The following LINC00632 variants were observed in gnomAD, a reference collection of about 807,000 sequenced individuals.
The protein encoded by LINC00632 is long independently transcribed non-coding RNA 632.
chrX:140,731,048 C>T (rs1418682753), intron 2 of LINC00632, among the ~76,000 whole-genome samples: 4 of 110,065 alleles, frequency 3.6e-5, no homozygotes, highest in Non-Finnish European at 5.7e-5. Context: ...ATTACAGGTG[C>T]GTGCCACCAG....
intron 3 of LINC00632, among the ~76,000 whole-genome samples, chrX:140,742,899 AGGAAAGGAAAAG>A (rs1363984421): frequency 7.6e-4 from 78 of 102,383 alleles, no homozygotes; most frequent in African/African-American, 2.8e-3. Context: ...AAGGAAGGAA[AGGAAAGGAAAAG>A]GGAAAGGGAA....
At position 140,754,333 on chromosome X, in the gene LINC00632, T is replaced by TA. The variant is rs200317735; in HGVS notation, n.192-17736dup. Among the ~76,000 whole-genome samples, 343 of 109,525 alleles carry TA rather than the reference T, an allele frequency of 3.1e-3. 1 individual carries two copies. Among genetic ancestry groups the TA allele is most frequent in the African/African-American group, 0.01 (312 of 30,217 alleles). On this transcript the variant is annotated intron_variant and non_coding_transcript_variant, in intron 3 of 4. Transcript: ENST00000648200. Reference sequence around the variant, plus strand: ...CATAAGGCCATGGGTGGTGTAATCATAAAAAAAAAGACTTTGTTATATGAA... The same window carrying TA: ...CATAAGGCCATGGGTGGTGTAATCATAAAAAAAAAAGACTTTGTTATATGAA...
rs771814251 is a variant in LINC00632, at chrX:140,767,359, T to A, written n.192-4719T>A. The stretch of plus-strand genomic sequence containing the variant: ...AGTGCCTGGCCCAGAAAAATTCACT[T>A]TATTAGTGTTATTTACCTATTATTT... On this transcript the variant is annotated intron_variant and non_coding_transcript_variant, in intron 3 of 4. Transcript: ENST00000648200. 4.5e-5 allele frequency among the ~76,000 whole-genome samples: 5 copies of A among 111,883 alleles called. No individual in the cohort carries two copies. The East Asian group carries it at 1.4e-3, about 31-fold the overall frequency.
chrX:140,760,483 T>C (rs1355451586), intron 3 of LINC00632, among the ~76,000 whole-genome samples: 2 of 111,177 alleles, frequency 1.8e-5, no homozygotes, highest in Non-Finnish European at 3.8e-5. Context: ...AGAAATAGCT[T>C]GAATAGGCCG....
chrX:140,731,447 C>A (rs1005479343), intron 2 of LINC00632, among the ~76,000 whole-genome samples: 2 of 111,278 alleles, frequency 1.8e-5, no homozygotes, highest in Non-Finnish European at 3.8e-5. Flanking sequence ...GTCTGTCAGA[C>A]CTGGTTTTGA....
chrX:140,772,496 CA>C (rs1418509088), exon 4 of LINC00632: 1 of 289,640 alleles, frequency 3.5e-6, no homozygotes, highest in African/African-American at 2.8e-5. Context: ...GGCATGCAAG[CA>C]AAAGAACAAG....
chrX:140,771,897 G>T (rs1372229306), intron 3 of LINC00632, among the ~76,000 whole-genome samples: 2 of 108,393 alleles, frequency 1.8e-5, no homozygotes, highest in East Asian at 5.9e-4. Flanking sequence ...GGCCAGGCTG[G>T]TCTCAAACTC....
chrX:140,769,103 C>T (rs1455199114), intron 3 of LINC00632, among the ~76,000 whole-genome samples: 1 of 110,720 alleles, frequency 9.0e-6, no homozygotes, highest in Non-Finnish European at 1.9e-5. Context: ...TTGTAGTGCC[C>T]ACAAATGCAG....
At chrX:140,759,342 TTC>T (rs1281020725) in intron 3 of LINC00632, among the ~76,000 whole-genome samples, 12 of 52,305 alleles carry the variant, frequency 2.3e-4, no homozygotes, top group East Asian at 8.0e-4. Flanking sequence ...CCTTCCTTCC[TTC>T]CTTTCTTTCT....
intron 2 of LINC00632, among the ~76,000 whole-genome samples, chrX:140,728,146 AG>A (rs1220520672): frequency 9.1e-6 from 1 of 109,909 alleles, no homozygotes; most frequent in Non-Finnish European, 1.9e-5. Flanking sequence ...AGGCTGAGGC[AG>A]GAGACTCACT....
At chrX:140,776,814 T>C (rs1410635658) in exon 5 of LINC00632, among the ~76,000 whole-genome samples, 1 of 111,228 alleles carries the variant, frequency 9.0e-6, no homozygotes, top group Non-Finnish European at 1.9e-5. Context: ...AGATTATAGA[T>C]TATTCTATTA....
At chrX:140,787,027 C>T (rs1283032302) in exon 5 of LINC00632, among the ~76,000 whole-genome samples, 1 of 111,275 alleles carries the variant, frequency 9.0e-6, no homozygotes, top group Non-Finnish European at 1.9e-5. Flanking sequence ...TTATTTTCTT[C>T]TATATATTCT....
chrX:140,775,338 G>T (rs1223262087), exon 5 of LINC00632, among the ~76,000 whole-genome samples: 1 of 111,706 alleles, frequency 9.0e-6, no homozygotes, highest in African/African-American at 3.3e-5. Context: ...TTTAATTTTG[G>T]ATGTTTGGAA....
At chrX:140,715,930 A>G (rs992669792) in intron 2 of LINC00632, 1 of 112,142 alleles carries the variant, frequency 8.9e-6, no homozygotes, top group African/African-American at 3.2e-5. Flanking sequence ...ACTCTGTAAC[A>G]TACTAAATCA....
chrX:140,776,095 C>T (rs1409648444), exon 5 of LINC00632, among the ~76,000 whole-genome samples: 1 of 111,692 alleles, frequency 9.0e-6, no homozygotes, highest in East Asian at 2.8e-4. Context: ...AAAAACAACC[C>T]CATCAAAAAG....
At chrX:140,724,271 TAC>T (rs764872015) in intron 2 of LINC00632, among the ~76,000 whole-genome samples, 159 of 26,587 alleles carry the variant, frequency 6.0e-3, no homozygotes, top group African/African-American at 0.021. Flanking sequence ...ACACATTCTG[TAC>T]ACACAGACAC....
intron 3 of LINC00632, among the ~76,000 whole-genome samples, chrX:140,760,493 G>A (rs1022551918): frequency 6.3e-5 from 7 of 111,485 alleles, no homozygotes; most frequent in Admixed American, 4.8e-4. Flanking sequence ...TGAATAGGCC[G>A]GGCGCGGTGG....
At chrX:140,712,483 A>G (rs1358012733) in intron 2 of LINC00632, among the ~76,000 whole-genome samples, 1 of 105,300 alleles carries the variant, frequency 9.5e-6, no homozygotes, top group Non-Finnish European at 1.9e-5. Flanking sequence ...GGAATTTTCT[A>G]GAATGATATA....
Position 140,748,025 on chromosome X carries a change from G to A in LINC00632, n.191+14061G>A, listed in dbSNP as rs183930762. ...GTATTTTTAGTAGAGACGGGGTTTC[G>A]CCATGTTGGCCAGGCTGGTCTCGAG... On this transcript the variant is annotated intron_variant and non_coding_transcript_variant, in intron 3 of 4. Coordinates refer to ENST00000648200, the Ensembl canonical transcript of LINC00632. Among the ~76,000 whole-genome samples, 175 of 111,048 alleles carry A rather than the reference G, an allele frequency of 1.6e-3. 2 individuals are homozygous for A. Among genetic ancestry groups the A allele is most frequent in the Middle Eastern group, 4.7e-3 (1 of 215 alleles).
Sources: allele counts gnomAD v4.1 joint callset (sites outside exome capture counted in the v4.1 genomes callset), GRCh38; gene constraint gnomAD v4.1.1; transcripts MANE v1.5; gene names NCBI Gene and HGNC (gene_info 2026-07-23, HGNC 2026-07-21).